Variants in MINDY3 observed in about 807,000 individuals in gnomAD.
MINDY3 encodes ubiquitin carboxyl-terminal hydrolase MINDY-3.
Under a neutral mutation model 69.2 loss-of-function variants are expected in MINDY3, and 38 were observed. The observed-to-expected ratio is 0.55, with a 90% CI of 0.42 to 0.72. The LOEUF (loss-of-function observed/expected upper bound fraction) is 0.72, where lower values mean the gene tolerates loss of function less well. Ranked by LOEUF, MINDY3 falls within the 30% of genes least tolerant of loss-of-function variation. The pLI is 0.00. For missense variants in MINDY3, 522 were observed against 519.0 expected (o/e 1.01, Z -0.06); for synonymous variants, 192 against 180.1 (o/e 1.07, Z -0.53).
At chr10:15,816,038 G>C (rs1839332800) in intron 10 of MINDY3, among the ~76,000 whole-genome samples, 2 of 152,102 alleles carry the variant, frequency 1.3e-5, no homozygotes, top group Non-Finnish European at 2.9e-5. Flanking sequence ...GGCAGAGGTG[G>C]GCAGATCACT....
In MINDY3 at chr10:15,796,180, G is replaced by C. The variant is rs755916965; in HGVS notation, c.883-8C>G. 9 of 1,610,884 alleles carry C rather than the reference G, an allele frequency of 5.6e-6. No homozygotes were observed. The East Asian group carries it at 2.0e-4, about 36-fold the overall frequency. ...GGCAACTAAAGCCATATCCTGAAAA[G>C]ATAAGAAGCATGTTGTCAACCAGCT... On this transcript the variant is annotated splice_polypyrimidine_tract_variant and splice_region_variant and intron_variant, in intron 10 of 14. Coordinates refer to ENST00000277632, the MANE Select transcript of MINDY3 (RefSeq NM_024948.4).
intron 3 of MINDY3, among the ~76,000 whole-genome samples, chr10:15,842,272 C>T (rs562548687): frequency 7.2e-5 from 11 of 152,000 alleles, no homozygotes; most frequent in Admixed American, 2.0e-4. Flanking sequence ...AAGGAGGTTT[C>T]TGTCTCTCCT....
intron 4 of MINDY3, among the ~76,000 whole-genome samples, chr10:15,840,962 A>T (rs1032291273): frequency 6.6e-6 from 1 of 151,626 alleles, no homozygotes; most frequent in East Asian, 1.9e-4. Context: ...GTATAAAAAT[A>T]TCCAAATAAT....
chr10:15,860,179 G>GC (rs1564543498), intron 1 of MINDY3, 27 bp downstream of exon 1: 6 of 1,546,754 alleles, frequency 3.9e-6, no homozygotes, highest in Non-Finnish European at 5.3e-6. Flanking sequence ...AGCAGCGGCT[G>GC]CAAGTGTGAG....
chr10:15,858,902 C>G (rs769860847), intron 1 of MINDY3, among the ~76,000 whole-genome samples: 2 of 151,918 alleles, frequency 1.3e-5, no homozygotes, highest in African/African-American at 4.8e-5. Context: ...CTCTAAGAAG[C>G]CCAAGATTAG....
intron 11 of MINDY3, among the ~76,000 whole-genome samples, chr10:15,791,806 G>C (rs1294708954): frequency 6.6e-6 from 1 of 152,070 alleles, no homozygotes; most frequent in African/African-American, 2.4e-5. Context: ...TTTCATAACT[G>C]GGAGGAAACC....
chr10:15,792,475 C>T (rs1837492413), intron 11 of MINDY3, among the ~76,000 whole-genome samples: 2 of 152,016 alleles, frequency 1.3e-5, no homozygotes, highest in South Asian at 2.1e-4. Context: ...GCTGGGGATG[C>T]CTGACAGAAA....
chr10:15,834,355 T>A (rs1047640138), intron 7 of MINDY3, among the ~76,000 whole-genome samples, 188 bp downstream of exon 7: 3 of 152,024 alleles, frequency 2.0e-5, no homozygotes, highest in African/African-American at 7.2e-5. Context: ...AATGCATACA[T>A]AAAATGAAAT....
At position 15,843,214 on chromosome 10, in the gene MINDY3, G is replaced by A; in HGVS notation, c.233C>T (p.Ser78Leu). The A allele has an allele frequency of 1.2e-6, 2 of 1,612,240 alleles. No homozygotes were observed. Among genetic ancestry groups the A allele is most frequent in the Non-Finnish European group, 1.7e-6 (2 of 1,178,510 alleles). The change falls in exon 3 of 15, where the codon TCA becomes TTA. Residue 78 changes from serine (S) to leucine (L), a missense_variant and splice_region_variant. By Grantham distance (145) the Ser-to-Leu change is moderately radical. Coordinates refer to ENST00000277632, the MANE Select transcript of MINDY3 (RefSeq NM_024948.4). ...SSEKSSWRDC[S>L]EEEQKELLCH... ...GTTTTAAAAGACAGCTATCATACCT[G>A]AACAATCCCGCCAAGAAGACTTCTC...
intron 8 of MINDY3, among the ~76,000 whole-genome samples, chr10:15,827,358 A>G (rs937193118): frequency 2.0e-5 from 3 of 151,896 alleles, no homozygotes; most frequent in African/African-American, 4.8e-5. Context: ...CCTGGCTAAC[A>G]TGGTAAAATC....
At chr10:15,795,216 A>G (rs1177695889) in intron 11 of MINDY3, among the ~76,000 whole-genome samples, 1 of 152,066 alleles carries the variant, frequency 6.6e-6, no homozygotes. Context: ...AGAACTAGTT[A>G]CAGTTGTTCT....
At chr10:15,830,652 A>C (rs550221892) in intron 8 of MINDY3, among the ~76,000 whole-genome samples, 8 of 152,324 alleles carry the variant, frequency 5.3e-5, no homozygotes, top group African/African-American at 1.9e-4. Context: ...TGAGATTTTA[A>C]TCCAAAGATT....
intron 8 of MINDY3, among the ~76,000 whole-genome samples, chr10:15,827,603 T>C (rs1024745579): frequency 6.6e-6 from 1 of 151,932 alleles, no homozygotes; most frequent in Non-Finnish European, 1.5e-5. Context: ...AAATATATCA[T>C]TAACAAAGTT....
chr10:15,786,405 A>G lies in MINDY3; in HGVS notation c.1116+156T>C, dbSNP rs149013629. Among the ~76,000 whole-genome samples, 942 of 152,188 alleles carry G rather than the reference A, an allele frequency of 6.2e-3. 17 individuals are homozygous for G. The highest frequency in any genetic ancestry group is 0.021 in the African/African-American group (883 of 41,524). The stretch of plus-strand genomic sequence containing the variant: ...GCACTGCGTTACCGTATTCGAACAC[A>G]CATTCCCTCTGTCTGGGAAGGTTTC... On this transcript the variant is annotated intron_variant, in intron 13 of 14. Coordinates refer to ENST00000277632, the MANE Select transcript of MINDY3 (RefSeq NM_024948.4).
chr10:15,809,257 C>G (rs1334432790), intron 10 of MINDY3, among the ~76,000 whole-genome samples: 1 of 152,104 alleles, frequency 6.6e-6, no homozygotes, highest in Non-Finnish European at 1.5e-5. Context: ...TTATGAAAGA[C>G]CTGACTCCTA....
Position 15,778,657 on chromosome 10 carries a change from A to G in MINDY3, c.*335T>C, listed in dbSNP as rs961283042. 57 of 171,702 alleles carry G rather than the reference A, an allele frequency of 3.3e-4. No individual in the cohort carries two copies. The highest frequency in any genetic ancestry group is 2.8e-3 in the Middle Eastern group (1 of 354). 10.6% of individuals were successfully genotyped at this position (171,702 alleles called of 1,614,324 possible). A position where few individuals can be genotyped will look rare whatever the true frequency, so the allele number is the denominator to read the frequency against. ...AATAAAACCCAAAAGTAGTTTATCA[A>G]TAGTAACTGTGATACTTAATATACA... On this transcript the variant is annotated 3_prime_UTR_variant, in exon 15 of 15. Coordinates refer to ENST00000277632, the MANE Select transcript of MINDY3 (RefSeq NM_024948.4).
intron 10 of MINDY3, among the ~76,000 whole-genome samples, chr10:15,798,823 A>G (rs1234056825): frequency 6.6e-6 from 1 of 152,082 alleles, no homozygotes; most frequent in African/African-American, 2.4e-5. Flanking sequence ...CAACGTAGAA[A>G]GAAATTAAAG....
intron 13 of MINDY3, among the ~76,000 whole-genome samples, chr10:15,784,054 T>C (rs774739384): frequency 2.6e-5 from 4 of 152,144 alleles, no homozygotes; most frequent in Non-Finnish European, 5.9e-5. Flanking sequence ...TTCTCTAATC[T>C]TCAATTTCCT....
At chr10:15,806,514 T>C (rs911897442) in intron 10 of MINDY3, among the ~76,000 whole-genome samples, 1 of 152,130 alleles carries the variant, frequency 6.6e-6, no homozygotes, top group East Asian at 1.9e-4. Context: ...GTACTCACAT[T>C]TATAATTTAA....
Sources: allele counts gnomAD v4.1 joint callset (sites outside exome capture counted in the v4.1 genomes callset), GRCh38; gene constraint gnomAD v4.1.1; transcripts MANE v1.5; gene names NCBI Gene and HGNC (gene_info 2026-07-23, HGNC 2026-07-21).